CCDC121: variants seen among roughly 807,000 people sequenced by gnomAD.
The protein encoded by CCDC121 is coiled-coil domain containing 121.
For synonymous variants in CCDC121, 108 were observed against 120.0 expected (o/e 0.90, Z 0.65); for missense variants, 238 against 304.1 (o/e 0.78, Z 1.62).
In CCDC121 at chr2:27,627,828, G is replaced by T; in HGVS notation, c.-29C>A. The T allele has an allele frequency of 6.2e-7, 1 of 1,613,856 alleles. No homozygotes were observed. Among genetic ancestry groups the T allele is most frequent in the Non-Finnish European group, 8.5e-7 (1 of 1,179,954 alleles). On this transcript the variant is annotated 5_prime_UTR_variant, in exon 2 of 2. Coordinates refer to ENST00000324364, the MANE Select transcript of CCDC121 (RefSeq NM_024584.5). ...CGCCACTATCTTTTCTTTAAGCCTT[G>T]TCTCTACCTTTGTTAGCTTCTCTGG... is the stretch of plus-strand genomic sequence containing the variant.
rs1203444182 is a variant in CCDC121, at chr2:27,628,487, G to C, written c.-119+463C>G. 5.8e-5 allele frequency: 90 copies of C among 1,551,414 alleles called. No individual in the cohort carries two copies. The highest frequency in any genetic ancestry group is 7.8e-5 in the Non-Finnish European group (90 of 1,146,810). ...GAATGAGCGCTAGCATCAGGAACCT[G>C]CGTCTGCAACTCGCGGGAACAATGT... On this transcript the variant is annotated intron_variant, in intron 1 of 1. Transcript: ENST00000324364.
chr2:27,627,109 G>A lies in CCDC121; in HGVS notation c.691C>T (p.Gln231Ter). 6.2e-7 allele frequency: 1 copy of A among 1,614,126 alleles called. No homozygotes were observed. Among genetic ancestry groups the A allele is most frequent in the Non-Finnish European group, 8.5e-7 (1 of 1,180,002 alleles). Residue 231 changes from glutamine to a stop codon, truncating the protein, a stop_gained, in exon 2 of 2, where the codon CAG (glutamine) becomes TAG (stop). Transcript: ENST00000324364. LOFTEE classifies it low-confidence loss of function (END_TRUNC). Reference protein sequence around the residue: ...SHLENRKQQLQQEQWYLESLI... With the variant: ...SHLENRKQQL ...GACTCCAGATACCACTGTTCCTGCT[G>A]CAGCTGCTGCTTCCTGTTTTCTAAG...
chr2:27,627,401 A>G lies in CCDC121; in HGVS notation c.399T>C (p.Ala133=), dbSNP rs1430236210. 3 of 1,614,142 alleles carry G rather than the reference A, an allele frequency of 1.9e-6. No individual in the cohort carries two copies. Among genetic ancestry groups the G allele is most frequent in the Admixed American group, 1.7e-5 (1 of 60,012 alleles). ...CTTCCCGTGTCTTTGAAGCTGTCTCAGCTTGGACTTTCTTTGTCTCCTCCT... is the reference window on the plus strand; with the variant it reads ...CTTCCCGTGTCTTTGAAGCTGTCTCGGCTTGGACTTTCTTTGTCTCCTCCT... ...TLQEETKKVQ[A]ETASKTREVQ... is the part of the protein sequence containing the mutation. The change falls in exon 2 of 2, where the codon GCT becomes GCC. Residue 133 remains alanine, a synonymous_variant. Coordinates refer to ENST00000324364, the MANE Select transcript of CCDC121 (RefSeq NM_024584.5).
intron 1 of CCDC121, chr2:27,628,369 A>T: frequency 1.3e-6 from 2 of 1,526,940 alleles, no homozygotes; most frequent in Non-Finnish European, 1.8e-6. Flanking sequence ...GGAGGGGAGG[A>T]AGCTCCCCTC....
rs777521351 is a variant in CCDC121, at chr2:27,627,551, A to C, written c.249T>G (p.Ile83Met). 4 of 1,614,110 alleles carry C rather than the reference A, an allele frequency of 2.5e-6. No homozygotes were observed. The Admixed American group carries it at 6.7e-5, about 27-fold the overall frequency. Residue 83 changes from isoleucine (I) to methionine (M), a missense_variant, in exon 2 of 2, where the codon ATT (isoleucine) becomes ATG (methionine). Ile to Met is a conservative substitution (Grantham distance 10). Transcript: ENST00000324364. Reference protein sequence around the residue: ...QESASRYAEQISVLKTALLQK... With the variant: ...QESASRYAEQMSVLKTALLQK... ...GCAAGAGCGCTGTTTTAAGCACTGA[A>C]ATTTGTTCTGCATATCTGGAGGCTG...
rs1322791351 is a variant in CCDC121, at chr2:27,626,571, A to G, written c.*392T>C. The G allele has an allele frequency of 1.3e-5, 2 of 159,032 alleles. No homozygotes were observed. Among genetic ancestry groups the G allele is most frequent in the Non-Finnish European group, 2.8e-5 (2 of 72,722 alleles). 9.9% of individuals were successfully genotyped at this position (159,032 alleles called of 1,614,324 possible). ...ACTGGCAGAACGCTATTCAAAGTCT[A>G]TTTGGAATGCTATCCTTAAAGGTAC... is the stretch of plus-strand genomic sequence containing the variant. On this transcript the variant is annotated 3_prime_UTR_variant, in exon 2 of 2. Coordinates refer to ENST00000324364, the MANE Select transcript of CCDC121 (RefSeq NM_024584.5).
In CCDC121 at chr2:27,628,248, CTG is replaced by C. The variant is rs1340426057; in HGVS notation, c.-118-333_-118-332del. On this transcript the variant is annotated intron_variant, in intron 1 of 1. Transcript: ENST00000324364. ...GCCAGATCTTATGACTTACTGAACACTGTTTGCAGCTACAAAGGGTCACAGAA... is the reference window on the plus strand; with the variant it reads ...GCCAGATCTTATGACTTACTGAACACTTTGCAGCTACAAAGGGTCACAGAA... 1.3e-4 allele frequency: 105 copies of C among 791,856 alleles called. No individual in the cohort carries two copies. In the Admixed American group the frequency reaches 2.0e-3, roughly 15 times the overall value. 49.1% of individuals were successfully genotyped at this position (791,856 alleles called of 1,614,324 possible). A position where few individuals can be genotyped will look rare whatever the true frequency, so the allele number is the denominator to read the frequency against.
intron 1 of CCDC121, 191 bp downstream of exon 1, chr2:27,628,759 C>T (rs749474547): frequency 2.7e-5 from 42 of 1,543,248 alleles, no homozygotes; most frequent in Middle Eastern, 3.4e-4. Context: ...CCCTCGGGAC[C>T]CCATCTCTTC....
chr2:27,626,837 A>T lies in CCDC121; in HGVS notation c.*126T>A. On this transcript the variant is annotated 3_prime_UTR_variant, in exon 2 of 2. Coordinates refer to ENST00000324364, the MANE Select transcript of CCDC121 (RefSeq NM_024584.5). ...GTTGGATAAAACCATCTAATCCTTCACTCCAACACATCATGATGGAGATTT... is the reference window on the plus strand; with the variant it reads ...GTTGGATAAAACCATCTAATCCTTCTCTCCAACACATCATGATGGAGATTT... 8.6e-6 allele frequency: 6 copies of T among 695,240 alleles called. No individual in the cohort carries two copies. The highest frequency in any genetic ancestry group is 1.5e-5 in the Non-Finnish European group (6 of 403,930). 43.1% of individuals were successfully genotyped at this position (695,240 alleles called of 1,614,324 possible).
In CCDC121 at chr2:27,627,167, C is replaced by T. The variant is rs140693737; in HGVS notation, c.633G>A (p.Glu211=). ...GAGTAGCCGTTAGTTTCTGGGCTTG[C>T]TCAATTAGCTGCAGTAATTCCTTCT... ...QFKKELLQLI[E]QAQKLTATQS... is the part of the protein sequence containing the mutation. The change falls in exon 2 of 2, where the codon GAG becomes GAA. Residue 211 remains glutamate, a synonymous_variant. Coordinates refer to ENST00000324364, the MANE Select transcript of CCDC121 (RefSeq NM_024584.5). The T allele has an allele frequency of 2.5e-3, 4,060 of 1,613,984 alleles. 6 individuals are homozygous for T. The highest frequency in any genetic ancestry group is 3.2e-3 in the Non-Finnish European group (3,732 of 1,179,856).
chr2:27,628,334 A>G, intron 1 of CCDC121: 1 of 1,442,944 alleles, frequency 6.9e-7, no homozygotes, highest in African/African-American at 1.4e-5. Context: ...ATCTTTCCTG[A>G]GTTTCTGAGG....
chr2:27,628,605 C>A, intron 1 of CCDC121: 1 of 1,551,602 alleles, frequency 6.4e-7, no homozygotes, highest in Non-Finnish European at 8.7e-7. Flanking sequence ...CTGCTCCAGT[C>A]CCGGCTGGTC....
At chr2:27,627,965 GAAGT>G (rs755669071) in intron 1 of CCDC121, 48 bp from the exon 2 acceptor site, 31 of 1,284,992 alleles carry the variant, frequency 2.4e-5, no homozygotes, top group East Asian at 4.6e-5. Context: ...GAAACTTTAG[GAAGT>G]AAGTGCACAA....
intron 1 of CCDC121, chr2:27,628,569 T>C (rs1673384435): frequency 2.6e-6 from 4 of 1,551,488 alleles, no homozygotes; most frequent in East Asian, 4.9e-5. Flanking sequence ...GTCTCGGTGC[T>C]GCCCAGCAAC....
rs765387584 is a variant in CCDC121 at position 27,627,865 on chromosome 2, T to C, written c.-66A>G. 6.2e-7 allele frequency: 1 copy of C among 1,614,194 alleles called. No individual in the cohort carries two copies. The highest frequency in any genetic ancestry group is 8.5e-7 in the Non-Finnish European group (1 of 1,180,036). On this transcript the variant is annotated 5_prime_UTR_variant, in exon 2 of 2. In the 5' UTR this introduces an upstream ATG that the reference lacks. Transcript: ENST00000324364. The stretch of plus-strand genomic sequence containing the variant: ...GTTAGCTTCTCTGGCTTGACAAAAT[T>C]ATTTATTAGACTATGATACGGTGGA...
rs1673261154 is a variant in CCDC121, at chr2:27,625,649, GATAA to G, written c.*1310_*1313del. The G allele has an allele frequency of 6.6e-6, 1 of 152,282 alleles. No homozygotes were observed. The highest frequency in any genetic ancestry group is 6.6e-5 in the Admixed American group (1 of 15,262). 9.4% of individuals were successfully genotyped at this position (152,282 alleles called of 1,614,324 possible). On this transcript the variant is annotated 3_prime_UTR_variant, in exon 2 of 2. Coordinates refer to ENST00000324364, the MANE Select transcript of CCDC121 (RefSeq NM_024584.5). ...CATTGGAACAGTAATAAAATCAGTG[GATAA>G]ATGTTTTTATTTAATAACATTGTTT...
chr2:27,628,749 C>A lies in CCDC121; in HGVS notation c.-119+201G>T. ...TCGTTTTCTTGCTGTGTGAGCCCTGCCCTCGGGACCCCATCTCTTCTGGCC... is the reference window on the plus strand; with the variant it reads ...TCGTTTTCTTGCTGTGTGAGCCCTGACCTCGGGACCCCATCTCTTCTGGCC... On this transcript the variant is annotated intron_variant, in intron 1 of 1. Coordinates refer to ENST00000324364, the MANE Select transcript of CCDC121 (RefSeq NM_024584.5). 1.9e-6 allele frequency: 3 copies of A among 1,545,864 alleles called. No homozygotes were observed. The South Asian group carries it at 3.6e-5, about 19-fold the overall frequency.
At position 27,627,019 on chromosome 2, in the gene CCDC121, G is replaced by T; in HGVS notation, c.781C>A (p.Pro261Thr). The change falls in exon 2 of 2, where the codon CCA becomes ACA. Residue 261 changes from proline (P) to threonine (T), a missense_variant. By Grantham distance (38) the Pro-to-Thr change is conservative (BLOSUM62 -1). Coordinates refer to ENST00000324364, the MANE Select transcript of CCDC121 (RefSeq NM_024584.5). ...HNQCLNRQDV[P>T]KTTPSLPQGT... ...TGGGGAAGACTGGGTGTGGTCTTTG[G>T]AACATCCTGTCTATTTAGGCACTGA... 2 of 1,613,912 alleles carry T rather than the reference G, an allele frequency of 1.2e-6. No individual in the cohort carries two copies. The highest frequency in any genetic ancestry group is 1.7e-6 in the Non-Finnish European group (2 of 1,179,922).
rs574268061 is a variant in CCDC121 at position 27,628,249 on chromosome 2, T to G, written c.-118-332A>C. ...CCAGATCTTATGACTTACTGAACAC[T>G]GTTTGCAGCTACAAAGGGTCACAGA... is the stretch of plus-strand genomic sequence containing the variant. On this transcript the variant is annotated intron_variant, in intron 1 of 1. Transcript: ENST00000324364. The G allele has an allele frequency of 2.5e-4, 200 of 795,972 alleles. No individual in the cohort carries two copies. In the African/African-American group the frequency reaches 3.1e-3, roughly 12 times the overall value. The allele number at this position is 795,972 out of a possible 1,614,324, so 49.3% of individuals were successfully genotyped here.
Sources: allele counts gnomAD v4.1 joint callset, GRCh38; gene constraint gnomAD v4.1.1; transcripts MANE v1.5; gene names NCBI Gene and HGNC (gene_info 2026-07-23, HGNC 2026-07-21).